Variants in ELF2 observed in about 807,000 individuals in gnomAD.
ELF2 encodes the protein ETS-related transcription factor Elf-2.
ELF2 carries 11 observed loss-of-function variants against 54.8 expected under a neutral mutation model. The ratio of observed to expected loss-of-function variants is 0.20; its 90% confidence interval spans 0.13 to 0.33. The LOEUF is 0.33. Ranked by LOEUF, ELF2 falls within the 10% of genes least tolerant of loss-of-function variation. The pLI is 1.00. For missense variants in ELF2, 513 were observed against 703.0 expected (o/e 0.73, Z 3.06); for synonymous variants, 203 against 245.1 (o/e 0.83, Z 1.61).
chr4:139,162,302 AG>A (rs1741253045), intron 1 of ELF2, among the ~76,000 whole-genome samples: 2 of 152,186 alleles, frequency 1.3e-5, no homozygotes, highest in South Asian at 4.2e-4. Context: ...GCAGATCACA[AG>A]GTCAGGAGTT....
intron 4 of ELF2, among the ~76,000 whole-genome samples, chr4:139,094,853 T>A (rs1733076598): frequency 6.6e-6 from 1 of 152,134 alleles, no homozygotes; most frequent in Non-Finnish European, 1.5e-5. Context: ...TATTTTTAGG[T>A]CCCTAGTAAA....
intron 4 of ELF2, among the ~76,000 whole-genome samples, chr4:139,108,300 T>C (rs1444060262): frequency 6.6e-6 from 1 of 152,190 alleles, no homozygotes; most frequent in African/African-American, 2.4e-5. Flanking sequence ...AGGAAACTCG[T>C]ACTAACAGAA....
chr4:139,172,151 A>G (rs1012649182), intron 1 of ELF2, among the ~76,000 whole-genome samples: 3 of 152,206 alleles, frequency 2.0e-5, no homozygotes, highest in East Asian at 3.8e-4. Flanking sequence ...ATGTCCACAT[A>G]AAGACTTGTA....
chr4:139,101,667 A>G (rs1733886576), intron 4 of ELF2: 1 of 152,238 alleles, frequency 6.6e-6, no homozygotes, highest in Non-Finnish European at 1.5e-5. Context: ...TCCTTTTGTA[A>G]GACGGTAAAC....
At chr4:139,069,089 G>A (rs1459624882) in intron 6 of ELF2, among the ~76,000 whole-genome samples, 2 of 151,790 alleles carry the variant, frequency 1.3e-5, no homozygotes, top group Non-Finnish European at 2.9e-5. Context: ...GGCTGGTCTT[G>A]AACTCCTGAG....
At chr4:139,121,501 C>G (rs1040810047) in intron 4 of ELF2, among the ~76,000 whole-genome samples, 2 of 151,558 alleles carry the variant, frequency 1.3e-5, no homozygotes, top group Non-Finnish European at 2.9e-5. Flanking sequence ...TTGTAACAAC[C>G]TTTTAAATTT....
intron 1 of ELF2, among the ~76,000 whole-genome samples, chr4:139,165,755 A>G (rs879648802): frequency 5.9e-5 from 9 of 152,230 alleles, no homozygotes; most frequent in Non-Finnish European, 8.8e-5. Flanking sequence ...TTTCTGAAAC[A>G]GAGACACTGA....
At chr4:139,091,912 AAT>A (rs937475149) in intron 4 of ELF2, among the ~76,000 whole-genome samples, 7 of 149,868 alleles carry the variant, frequency 4.7e-5, no homozygotes, top group African/African-American at 1.7e-4. Context: ...ATATATAGAG[AAT>A]ATATATACAC....
intron 1 of ELF2, chr4:139,155,273 TC>T (rs1445797749): frequency 6.6e-6 from 1 of 151,918 alleles, no homozygotes; most frequent in Non-Finnish European, 1.5e-5. Flanking sequence ...AAGTTCACCA[TC>T]AGTATGGTGA....
At chr4:139,067,401 G>A (rs1728865361) in intron 7 of ELF2, 2 of 340,578 alleles carry the variant, frequency 5.9e-6, no homozygotes, top group South Asian at 6.4e-5. Context: ...TAAGTCAATG[G>A]TTCTTAAGGA....
chr4:139,101,809 C>T (rs1414295835), intron 4 of ELF2: 1 of 152,150 alleles, frequency 6.6e-6, no homozygotes, highest in African/African-American at 2.4e-5. Flanking sequence ...ATAATCAGTG[C>T]TTCTTGTCTC....
At chr4:139,123,421 A>G (rs1399181382) in intron 4 of ELF2, among the ~76,000 whole-genome samples, 1 of 152,204 alleles carries the variant, frequency 6.6e-6, no homozygotes, top group Non-Finnish European at 1.5e-5. Flanking sequence ...ATCTCTGCCC[A>G]GCAAATGATA....
intron 1 of ELF2, among the ~76,000 whole-genome samples, chr4:139,159,568 A>G (rs966522781): frequency 6.6e-6 from 1 of 152,166 alleles, no homozygotes; most frequent in East Asian, 1.9e-4. Flanking sequence ...CCTTATCAGC[A>G]TAAGCATTGT....
At chr4:139,156,455 A>T (rs1452270641) in intron 1 of ELF2, among the ~76,000 whole-genome samples, 5 of 152,188 alleles carry the variant, frequency 3.3e-5, no homozygotes, top group African/African-American at 1.2e-4. Flanking sequence ...CTGGGATTAC[A>T]GGCGTTAGCC....
At chr4:139,080,214 A>C (rs1025889171) in intron 4 of ELF2, among the ~76,000 whole-genome samples, 2 of 152,182 alleles carry the variant, frequency 1.3e-5, no homozygotes, top group African/African-American at 4.8e-5. Context: ...TGACCATGTA[A>C]CTCAGTTTTT....
At chr4:139,091,166 G>A (rs997420392) in intron 4 of ELF2, among the ~76,000 whole-genome samples, 2 of 152,094 alleles carry the variant, frequency 1.3e-5, no homozygotes, top group Non-Finnish European at 2.9e-5. Context: ...ATCTGACCTC[G>A]TGATCCGCCT....
intron 4 of ELF2, among the ~76,000 whole-genome samples, chr4:139,082,224 G>T (rs1277447908): frequency 1.3e-5 from 2 of 152,116 alleles, no homozygotes; most frequent in African/African-American, 2.4e-5. Context: ...GCAGCCACTG[G>T]AAACAACATC....
chr4:139,067,268 G>A (rs570369433), intron 7 of ELF2: 46 of 158,624 alleles, frequency 2.9e-4, no homozygotes, highest in Non-Finnish European at 4.9e-4. Context: ...ACCAGCCTGG[G>A]CAACAGAGCA....
intron 4 of ELF2, among the ~76,000 whole-genome samples, chr4:139,080,493 TTC>T (rs1177660914): frequency 1.3e-5 from 2 of 152,218 alleles, no homozygotes; most frequent in African/African-American, 4.8e-5. Context: ...TAGATTTGTT[TTC>T]TGTCAGTGAA....
Sources: allele counts gnomAD v4.1 joint callset (sites outside exome capture counted in the v4.1 genomes callset), GRCh38; gene constraint gnomAD v4.1.1; transcripts MANE v1.5; gene names NCBI Gene and HGNC (gene_info 2026-07-23, HGNC 2026-07-21).